Variants in PRKCB observed in about 807,000 individuals in gnomAD.
PRKCB encodes protein kinase C beta type.
A neutral mutation model predicts 81.5 loss-of-function variants in PRKCB; 13 were observed. The observed-to-expected ratio is 0.16, with a 90% confidence interval of 0.10 to 0.25. The LOEUF (loss-of-function observed/expected upper bound fraction) is 0.25, where lower values mean the gene tolerates loss of function less well. Among genes scored for constraint, PRKCB ranks in the 10% least tolerant of loss-of-function variants. The pLI, the probability that PRKCB is intolerant of heterozygous loss-of-function variation, is 1.00. For missense variants in PRKCB, 509 were observed against 875.7 expected (o/e 0.58, Z 5.29); for synonymous variants, 335 against 321.4 (o/e 1.04, Z -0.45).
intron 3 of PRKCB, among the ~76,000 whole-genome samples, chr16:24,029,042 C>T (rs540608904): frequency 3.3e-5 from 5 of 152,266 alleles, no homozygotes; most frequent in South Asian, 2.1e-4. Flanking sequence ...CTGCCCGCCT[C>T]GGCCTCCCAA....
chr16:24,115,679 TCCCAAGAGCATTTA>T (rs1462379832), intron 8 of PRKCB, among the ~76,000 whole-genome samples: 8 of 152,256 alleles, frequency 5.3e-5, no homozygotes, highest in Middle Eastern at 6.8e-3. Context: ...TTAGCATTTA[TCCCAAGAGCATTTA>T]CCCAAGAGCA....
chr16:24,142,561 T>G (rs890689292), intron 9 of PRKCB, among the ~76,000 whole-genome samples: 1 of 152,196 alleles, frequency 6.6e-6, no homozygotes, highest in African/African-American at 2.4e-5. Flanking sequence ...AGCCTCCCAA[T>G]GTTTAGAAGG....
intron 3 of PRKCB, among the ~76,000 whole-genome samples, chr16:24,016,600 A>G (rs1033228444): frequency 1.3e-5 from 2 of 152,218 alleles, no homozygotes; most frequent in African/African-American, 2.4e-5. Flanking sequence ...ATAAATTTGA[A>G]AAAATCCCAG....
chr16:24,071,095 A>G (rs1966101988), intron 5 of PRKCB, among the ~76,000 whole-genome samples: 1 of 152,128 alleles, frequency 6.6e-6, no homozygotes, highest in Non-Finnish European at 1.5e-5. Flanking sequence ...CCTCCACTCC[A>G]GGGCTGATGT....
chr16:24,048,441 A>G (rs9937327), intron 5 of PRKCB, among the ~76,000 whole-genome samples: 4,737 of 151,902 alleles, frequency 0.031, 237 homozygotes, highest in African/African-American at 0.11. Flanking sequence ...TGGAGTGATG[A>G]TGATACATGA....
chr16:24,041,138 C>T (rs1965692860), intron 5 of PRKCB, among the ~76,000 whole-genome samples: 1 of 151,898 alleles, frequency 6.6e-6, no homozygotes, highest in South Asian at 2.1e-4. Flanking sequence ...CAACCTCCCC[C>T]TCCCAGGTTC....
At chr16:24,185,431 T>C in intron 14 of PRKCB, 29 bp from the exon 15 acceptor site, 3 of 1,592,954 alleles carry the variant, frequency 1.9e-6, no homozygotes, top group South Asian at 2.2e-5. Context: ...GCAGGGATTC[T>C]TCTCCTCCCA....
At chr16:23,853,490 T>C (rs1358157028) in intron 2 of PRKCB, among the ~76,000 whole-genome samples, 1 of 152,096 alleles carries the variant, frequency 6.6e-6, no homozygotes, top group Non-Finnish European at 1.5e-5. Context: ...CGGAAGGGGG[T>C]CCTGGGACAT....
At chr16:23,991,690 G>C (rs1388300123) in intron 3 of PRKCB, among the ~76,000 whole-genome samples, 1 of 152,214 alleles carries the variant, frequency 6.6e-6, no homozygotes, top group Admixed American at 6.5e-5. Flanking sequence ...TCAAGAACCT[G>C]TTTCTCCCCT....
chr16:24,144,237 G>A (rs1366341474), intron 9 of PRKCB, among the ~76,000 whole-genome samples: 1 of 152,096 alleles, frequency 6.6e-6, no homozygotes. Flanking sequence ...GGGAAAGAGA[G>A]AGTATATATC....
At position 23,903,403 on chromosome 16, in the gene PRKCB, TC is replaced by T. The variant is rs201472752; in HGVS notation, c.205+66003del. 1.6e-4 allele frequency among the ~76,000 whole-genome samples: 24 copies of T among 151,802 alleles called. No individual in the cohort carries two copies. In the East Asian group the frequency reaches 4.5e-3, roughly 28 times the overall value. ...TGGGGATTGGTATTACCACATCATT[TC>T]CCCCCTAACAGCAGCAAAGATTCTC... On this transcript the variant is annotated intron_variant, in intron 2 of 16. Transcript: ENST00000643927.
intron 9 of PRKCB, among the ~76,000 whole-genome samples, chr16:24,145,347 G>A (rs1330998294): frequency 6.6e-6 from 1 of 152,216 alleles, no homozygotes; most frequent in Non-Finnish European, 1.5e-5. Flanking sequence ...GGAGGCCAAG[G>A]TAGGAGGATC....
intron 7 of PRKCB, among the ~76,000 whole-genome samples, chr16:24,110,222 T>G (rs1418027664): frequency 6.6e-6 from 1 of 150,954 alleles, no homozygotes; most frequent in Non-Finnish European, 1.5e-5. Flanking sequence ...GTCTATTTTT[T>G]TTTTCTTGAG....
At chr16:24,166,036 G>A (rs1201188245) in intron 10 of PRKCB, among the ~76,000 whole-genome samples, 2 of 151,778 alleles carry the variant, frequency 1.3e-5, no homozygotes, top group Non-Finnish European at 1.5e-5. Context: ...AGAGGTGTGT[G>A]TCACCATACC....
chr16:24,143,456 A>C (rs982005224), intron 9 of PRKCB, among the ~76,000 whole-genome samples: 12 of 152,094 alleles, frequency 7.9e-5, no homozygotes, highest in Admixed American at 3.3e-4. Flanking sequence ...AGACAGAGGG[A>C]GGGTATAGTC....
At chr16:24,002,311 G>GTA (rs1044413412) in intron 3 of PRKCB, among the ~76,000 whole-genome samples, 2 of 137,432 alleles carry the variant, frequency 1.5e-5, no homozygotes, top group Non-Finnish European at 1.6e-5. Flanking sequence ...GTGTGTGTGT[G>GTA]TATGTGTGTG....
intron 15 of PRKCB, among the ~76,000 whole-genome samples, chr16:24,187,069 G>A (rs1967714911): frequency 6.6e-6 from 1 of 152,196 alleles, no homozygotes; most frequent in Non-Finnish European, 1.5e-5. Flanking sequence ...ATTGAAGGGT[G>A]GGGGCGGGTA....
chr16:23,916,194 C>T (rs1023204672), intron 2 of PRKCB, among the ~76,000 whole-genome samples: 3 of 150,488 alleles, frequency 2.0e-5, no homozygotes, highest in Admixed American at 6.6e-5. Context: ...GCTGGGACTA[C>T]AGGTGCATGC....
intron 2 of PRKCB, among the ~76,000 whole-genome samples, chr16:23,886,703 G>A (rs1167382674): frequency 6.6e-6 from 1 of 152,122 alleles, no homozygotes; most frequent in East Asian, 1.9e-4. Flanking sequence ...GTGAGCCACC[G>A]TGCCCAGCCG....
Sources: gnomAD v4.1 joint callset for allele counts (sites outside exome capture counted in the v4.1 genomes callset) on GRCh38, gnomAD v4.1.1 for gene constraint, MANE v1.5 for transcripts, NCBI Gene and HGNC (gene_info 2026-07-23, HGNC 2026-07-21) for gene names.